Variants in GAB2 observed in about 807,000 individuals in gnomAD.
The protein encoded by GAB2 is GRB2-associated-binding protein 2.
GAB2 carries 26 observed loss-of-function variants against 65.5 expected under a neutral mutation model. The observed-to-expected ratio is 0.40, with a 90% CI of 0.29 to 0.55. The LOEUF (loss-of-function observed/expected upper bound fraction) is 0.55. GAB2 is among the 20% of genes least tolerant of loss of function. The pLI, the probability that GAB2 is intolerant of heterozygous loss-of-function variation, is 0.53. For synonymous variants in GAB2, 321 were observed against 329.6 expected (o/e 0.97, Z 0.28); for missense variants, 884 against 875.8 (o/e 1.01, Z -0.12).
chr11:78,297,536 G>A (rs1433465900), intron 1 of GAB2, among the ~76,000 whole-genome samples: 3 of 152,126 alleles, frequency 2.0e-5, no homozygotes, highest in South Asian at 2.1e-4. Context: ...AACTACTGTC[G>A]TGCACCCAGG....
At position 78,403,173 on chromosome 11, in the gene GAB2, T is replaced by C. The variant is rs922345142; in HGVS notation, c.75+14473A>G. ...CCACCCAGCTAAGGCTACTTTGTTATAGCAGCCTGAATGGACTAAGATACT... is the reference window on the plus strand; with the variant it reads ...CCACCCAGCTAAGGCTACTTTGTTACAGCAGCCTGAATGGACTAAGATACT... On this transcript the variant is annotated intron_variant, in intron 1 of 9. Coordinates refer to ENST00000361507, the MANE Select transcript of GAB2 (RefSeq NM_080491.3). 2.6e-5 allele frequency among the ~76,000 whole-genome samples: 4 copies of C among 152,356 alleles called. No homozygotes were observed. In the South Asian group the frequency reaches 6.2e-4, roughly 24 times the overall value.
At chr11:78,283,312 C>G (rs866716656) in intron 1 of GAB2, among the ~76,000 whole-genome samples, 7 of 152,332 alleles carry the variant, frequency 4.6e-5, no homozygotes, top group Non-Finnish European at 8.8e-5. Context: ...TGAAGGCCAA[C>G]CTTTTTCCAT....
rs1307949360 is a variant in GAB2 at position 78,291,555 on chromosome 11, CTTTTTCTTTTTTTTTTTT to C, written c.76-10672_76-10655del. On this transcript the variant is annotated intron_variant, in intron 1 of 9. Transcript: ENST00000361507. ...CCTATCTTGAGAGACTTACTTTTTTCTTTTTCTTTTTTTTTTTTTTTTTTTTTTTTTTTTGCGACAGGG... is the reference window on the plus strand; with the variant it reads ...CCTATCTTGAGAGACTTACTTTTTTCTTTTTTTTTTTTTTTTGCGACAGGG... 7.3e-4 allele frequency among the ~76,000 whole-genome samples: 40 copies of C among 55,060 alleles called. 1 individual carries two copies. Among genetic ancestry groups the C allele is most frequent in the African/African-American group, 2.3e-3 (36 of 15,664 alleles). The allele number at this position is 55,060 out of a possible 152,430, so 36.1% of individuals were successfully genotyped here.
At chr11:78,382,734 G>T (rs1271629773) in intron 1 of GAB2, among the ~76,000 whole-genome samples, 1 of 152,098 alleles carries the variant, frequency 6.6e-6, no homozygotes, top group Admixed American at 6.6e-5. Flanking sequence ...TTTTCTAAAC[G>T]TTCAAAAGAC....
At chr11:78,356,409 C>A (rs1039252129) in intron 1 of GAB2, among the ~76,000 whole-genome samples, 2 of 152,146 alleles carry the variant, frequency 1.3e-5, no homozygotes, top group African/African-American at 4.8e-5. Flanking sequence ...GGTTTTCTCA[C>A]ATGCAAGGAA....
At chr11:78,324,928 AG>A (rs1477653291) in intron 1 of GAB2, 1 of 152,232 alleles carries the variant, frequency 6.6e-6, no homozygotes, top group East Asian at 1.9e-4. Flanking sequence ...AGCTCATAAA[AG>A]CTGACTGTTA....
At chr11:78,298,834 C>T (rs535642801) in intron 1 of GAB2, among the ~76,000 whole-genome samples, 4 of 152,326 alleles carry the variant, frequency 2.6e-5, no homozygotes, top group Non-Finnish European at 2.9e-5. Flanking sequence ...TCTTCTGGGA[C>T]AAAGGCTTCT....
chr11:78,416,162 T>C (rs2135105423), intron 1 of GAB2, among the ~76,000 whole-genome samples: 1 of 152,288 alleles, frequency 6.6e-6, no homozygotes, highest in Non-Finnish European at 1.5e-5. Context: ...TTAATAATTA[T>C]ACTTTGGCTA....
intron 1 of GAB2, among the ~76,000 whole-genome samples, chr11:78,346,574 T>TGAGAAGAGAAGACAA (rs1554991813): frequency 5.9e-5 from 7 of 118,678 alleles, no homozygotes; most frequent in East Asian, 2.8e-4. Context: ...TCATGCTGCC[T>TGAGAAGAGAAGACAA]GAGAAGAGAA....
intron 3 of GAB2, among the ~76,000 whole-genome samples, chr11:78,249,940 A>G (rs1865400745): frequency 6.6e-6 from 1 of 151,932 alleles, no homozygotes. Flanking sequence ...TTGATAATGA[A>G]AAGTTTCTCT....
intron 4 of GAB2, among the ~76,000 whole-genome samples, chr11:78,225,566 C>T (rs1864613130): frequency 6.6e-6 from 1 of 152,184 alleles, no homozygotes; most frequent in South Asian, 2.1e-4. Flanking sequence ...TTTATTTTCC[C>T]AATGAGATGT....
intron 1 of GAB2, among the ~76,000 whole-genome samples, chr11:78,330,339 G>A (rs1192385660): frequency 1.3e-5 from 2 of 152,164 alleles, no homozygotes; most frequent in Non-Finnish European, 2.9e-5. Context: ...AAATAAAGAA[G>A]TTTGAGTGAC....
chr11:78,285,278 C>T (rs1336409277), intron 1 of GAB2, among the ~76,000 whole-genome samples: 2 of 152,186 alleles, frequency 1.3e-5, no homozygotes, highest in East Asian at 1.9e-4. Flanking sequence ...ACACAGACAC[C>T]CTCATGAACA....
chr11:78,407,667 AAG>A (rs1351962847), intron 1 of GAB2, among the ~76,000 whole-genome samples: 1 of 126,542 alleles, frequency 7.9e-6, no homozygotes, highest in Non-Finnish European at 1.7e-5. Flanking sequence ...GTAAGAAAGA[AAG>A]AAAGAAAGAA....
intron 3 of GAB2, among the ~76,000 whole-genome samples, chr11:78,241,599 A>G (rs940663654): frequency 6.7e-6 from 1 of 150,118 alleles, no homozygotes; most frequent in Non-Finnish European, 1.5e-5. Context: ...AAAAAAATTC[A>G]AAAAAGAGAA....
At chr11:78,327,723 T>C (rs1425407581) in intron 1 of GAB2, among the ~76,000 whole-genome samples, 1 of 152,110 alleles carries the variant, frequency 6.6e-6, no homozygotes, top group Non-Finnish European at 1.5e-5. Flanking sequence ...ATTTTGAAAA[T>C]AATAATACAT....
chr11:78,231,498 T>C (rs370104180), intron 3 of GAB2, among the ~76,000 whole-genome samples: 213 of 152,212 alleles, frequency 1.4e-3, no homozygotes, highest in African/African-American at 4.8e-3. Context: ...TACAGGAGCG[T>C]ACCACTGCAC....
intron 1 of GAB2, among the ~76,000 whole-genome samples, chr11:78,403,404 C>T (rs1442810508): frequency 6.6e-6 from 1 of 152,068 alleles, no homozygotes; most frequent in Non-Finnish European, 1.5e-5. Flanking sequence ...TGCAAATGGA[C>T]TATAGTAAAC....
chr11:78,270,097 G>A (rs1865973263), intron 2 of GAB2, among the ~76,000 whole-genome samples: 1 of 152,172 alleles, frequency 6.6e-6, no homozygotes, highest in East Asian at 1.9e-4. Flanking sequence ...GGAAGGCCAA[G>A]GCGGGTGGAT....
Sources: allele counts gnomAD v4.1 joint callset (sites outside exome capture counted in the v4.1 genomes callset), GRCh38; gene constraint gnomAD v4.1.1; transcripts MANE v1.5; gene names NCBI Gene and HGNC (gene_info 2026-07-23, HGNC 2026-07-21).